The following TRPC7 variants were observed in gnomAD, a reference collection of about 807,000 sequenced individuals.
TRPC7 encodes transient receptor potential cation channel subfamily C member 7.
Under a neutral mutation model 90.1 loss-of-function variants are expected in TRPC7, and 42 were observed. The observed-to-expected ratio is 0.47, with a 90% confidence interval of 0.36 to 0.60. The LOEUF (loss-of-function observed/expected upper bound fraction) is 0.60, where lower values mean the gene tolerates loss of function less well. Ranked by LOEUF, TRPC7 falls within the 20% of genes least tolerant of loss-of-function variation. TRPC7 has a pLI of 0.00. For synonymous variants in TRPC7, 451 were observed against 436.3 expected (o/e 1.03, Z -0.42); for missense variants, 955 against 1,112.3 (o/e 0.86, Z 2.01).
intron 2 of TRPC7, among the ~76,000 whole-genome samples, chr5:136,336,651 C>A (rs1341050039): frequency 6.6e-6 from 1 of 151,886 alleles, no homozygotes; most frequent in Non-Finnish European, 1.5e-5. Flanking sequence ...TAATGCTATC[C>A]CTCCCCCTTT....
At chr5:136,359,946 A>G (rs1760517176) in intron 1 of TRPC7, among the ~76,000 whole-genome samples, 1 of 152,234 alleles carries the variant, frequency 6.6e-6, no homozygotes, top group African/African-American at 2.4e-5. Flanking sequence ...TTTACACTCA[A>G]GAGCATCTGA....
chr5:136,344,161 T>C (rs1759932035), intron 2 of TRPC7, among the ~76,000 whole-genome samples: 1 of 152,096 alleles, frequency 6.6e-6, no homozygotes, highest in Non-Finnish European at 1.5e-5. Context: ...CTAAGCAAAC[T>C]AACACAGGAA....
chr5:136,286,229 A>T (rs535306932), intron 3 of TRPC7, among the ~76,000 whole-genome samples: 1 of 152,328 alleles, frequency 6.6e-6, no homozygotes, highest in South Asian at 2.1e-4. Context: ...ATTTCCAAAG[A>T]TGGTGACAAT....
At chr5:136,286,382 C>A (rs984335832) in intron 3 of TRPC7, among the ~76,000 whole-genome samples, 3 of 152,294 alleles carry the variant, frequency 2.0e-5, no homozygotes, top group Non-Finnish European at 4.4e-5. Context: ...CAAGACTGAG[C>A]CTTAGACATC....
intron 7 of TRPC7, among the ~76,000 whole-genome samples, chr5:136,236,283 G>A (rs578004102): frequency 6.6e-6 from 1 of 152,148 alleles, no homozygotes; most frequent in Non-Finnish European, 1.5e-5. Flanking sequence ...CCCAGCATAC[G>A]TACAGCCCCT....
At chr5:136,349,100 GTATT>G (rs1455977586) in intron 2 of TRPC7, among the ~76,000 whole-genome samples, 4 of 149,438 alleles carry the variant, frequency 2.7e-5, no homozygotes, top group Admixed American at 6.9e-5. Context: ...AATAATCTCT[GTATT>G]TGTCAGGATC....
At chr5:136,346,148 G>A (rs1202177918) in intron 2 of TRPC7, among the ~76,000 whole-genome samples, 1 of 152,082 alleles carries the variant, frequency 6.6e-6, no homozygotes. Context: ...GTTAATGGGT[G>A]CAGCACACCA....
rs372388975 is a variant in TRPC7, at chr5:136,286,566, A to G, written c.964-11729T>C. ...TGGGTATAGCCTTCTGATGTCTTCC[A>G]TCTCAGCCAAACCACCAACTGAATG... is the stretch of plus-strand genomic sequence containing the variant. On this transcript the variant is annotated intron_variant, in intron 3 of 11. Transcript: ENST00000513104. Among the ~76,000 whole-genome samples the G allele has an allele frequency of 1.4e-3, 210 of 152,320 alleles. 1 individual carries two copies. The highest frequency in any genetic ancestry group is 4.7e-3 in the African/African-American group (196 of 41,554).
chr5:136,327,770 G>A (rs1759385887), intron 2 of TRPC7, among the ~76,000 whole-genome samples: 1 of 152,204 alleles, frequency 6.6e-6, no homozygotes, highest in South Asian at 2.1e-4. Flanking sequence ...GGGCGCACAA[G>A]TCACCTTCAG....
intron 2 of TRPC7, among the ~76,000 whole-genome samples, chr5:136,319,852 C>T (rs1174065818): frequency 2.0e-5 from 3 of 151,916 alleles, no homozygotes; most frequent in Non-Finnish European, 4.4e-5. Flanking sequence ...TTTGTTAATT[C>T]ATTTTCATCT....
chr5:136,314,558 G>A (rs1475077285), intron 3 of TRPC7, among the ~76,000 whole-genome samples: 1 of 152,074 alleles, frequency 6.6e-6, no homozygotes, highest in Non-Finnish European at 1.5e-5. Context: ...TAAAATTTGT[G>A]ATTATTATAA....
In TRPC7 at chr5:136,287,532, G is replaced by T. The variant is rs545485369; in HGVS notation, c.964-12695C>A. On this transcript the variant is annotated intron_variant, in intron 3 of 11. Transcript: ENST00000513104. ...CTGAGAGGATTGATCAAATGACAAGGGTCTTCTTTGTGGAAATCCTGAAGA... is the reference window on the plus strand; with the variant it reads ...CTGAGAGGATTGATCAAATGACAAGTGTCTTCTTTGTGGAAATCCTGAAGA... Among the ~76,000 whole-genome samples the T allele has an allele frequency of 3.3e-5, 5 of 151,832 alleles. No individual in the cohort carries two copies. The East Asian group carries it at 9.7e-4, about 30-fold the overall frequency.
intron 7 of TRPC7, among the ~76,000 whole-genome samples, chr5:136,246,667 C>T (rs1215917798): frequency 6.6e-6 from 1 of 152,184 alleles, no homozygotes; most frequent in African/African-American, 2.4e-5. Context: ...TTCCTTTTTC[C>T]TTCAGTTTTA....
rs1443613409 is a variant in TRPC7, at chr5:136,289,066, C to G, written c.964-14229G>C. Among the ~76,000 whole-genome samples the G allele has an allele frequency of 2.6e-5, 4 of 152,182 alleles. 1 individual carries two copies. The highest frequency in any genetic ancestry group is 5.9e-5 in the Non-Finnish European group (4 of 68,028). Reference sequence around the variant, plus strand: ...CTTTAACATCTCCTTTTCACCTTTTCTAATAAGGACTTTGAATAAAGGTCC... The same window carrying G: ...CTTTAACATCTCCTTTTCACCTTTTGTAATAAGGACTTTGAATAAAGGTCC... On this transcript the variant is annotated intron_variant, in intron 3 of 11. Coordinates refer to ENST00000513104, the MANE Select transcript of TRPC7 (RefSeq NM_020389.3).
At position 136,251,672 on chromosome 5, in the gene TRPC7, G is replaced by A. The variant is rs753976097; in HGVS notation, c.1556C>T (p.Pro519Leu). ...ACCGTAGGTGAAGTATGCCACTTCCGGCGGAAGCGAGACATTGTGCAGCGT... is the reference window on the plus strand; with the variant it reads ...ACCGTAGGTGAAGTATGCCACTTCCAGCGGAAGCGAGACATTGTGCAGCGT... Reference protein sequence around the residue: ...DDTLHNVSLPPEVAYFTYARD... With the variant: ...DDTLHNVSLPLEVAYFTYARD... The change falls in exon 6 of 12, where the codon CCG becomes CTG. Residue 519 changes from proline (P) to leucine (L), a missense_variant. By Grantham distance (98) the Pro-to-Leu change is moderately conservative. Around this residue, in one of 4 missense-constraint regions of TRPC7, gnomAD observed 484 missense variants for 509.6 expected, o/e 0.95. Coordinates refer to ENST00000513104, the MANE Select transcript of TRPC7 (RefSeq NM_020389.3). 1 of 1,609,338 alleles carries A rather than the reference G, an allele frequency of 6.2e-7. No homozygotes were observed. The highest frequency in any genetic ancestry group is 1.1e-5 in the South Asian group (1 of 90,796).
At chr5:136,293,500 A>G (rs934736457) in intron 3 of TRPC7, among the ~76,000 whole-genome samples, 1 of 152,190 alleles carries the variant, frequency 6.6e-6, no homozygotes, top group Non-Finnish European at 1.5e-5. Flanking sequence ...CAAATAACGG[A>G]CAAACAGAGA....
At chr5:136,313,339 T>C (rs1758897646) in intron 3 of TRPC7, among the ~76,000 whole-genome samples, 1 of 152,170 alleles carries the variant, frequency 6.6e-6, no homozygotes. Context: ...AAATGTTTTA[T>C]AGTTTTATAT....
intron 3 of TRPC7, among the ~76,000 whole-genome samples, chr5:136,282,247 G>T (rs933576047): frequency 1.3e-5 from 2 of 152,162 alleles, no homozygotes; most frequent in African/African-American, 4.8e-5. Flanking sequence ...TTTTCAAAGA[G>T]ATTCCCTCAT....
chr5:136,262,290 T>G (rs1228262561), intron 5 of TRPC7, among the ~76,000 whole-genome samples: 1 of 152,226 alleles, frequency 6.6e-6, no homozygotes, highest in Non-Finnish European at 1.5e-5. Flanking sequence ...TCATCTCTAT[T>G]TCTCTTCTCC....
Sources: allele counts gnomAD v4.1 joint callset (sites outside exome capture counted in the v4.1 genomes callset), GRCh38; gene constraint gnomAD v4.1.1; regional missense constraint gnomAD v4.1.1; transcripts MANE v1.5; gene names NCBI Gene and HGNC (gene_info 2026-07-23, HGNC 2026-07-21).